The following YWHAE variants were observed in gnomAD, a reference collection of about 807,000 sequenced individuals.
YWHAE encodes 14-3-3 protein epsilon.
YWHAE carries 4 observed loss-of-function variants against 30.1 expected under a neutral mutation model. The observed-to-expected ratio is 0.13, with a 90% CI of 0.07 to 0.30. The LOEUF is 0.30. Ranked by LOEUF, YWHAE falls within the 10% of genes least tolerant of loss-of-function variation. The pLI, the probability that YWHAE is intolerant of heterozygous loss-of-function variation, is 1.00. For synonymous variants in YWHAE, 118 were observed against 111.8 expected (o/e 1.06, Z -0.35); for missense variants, 121 against 315.9 (o/e 0.38, Z 4.68).
intron 1 of YWHAE, among the ~76,000 whole-genome samples, chr17:1,375,646 C>T (rs2073110811): frequency 6.6e-6 from 1 of 152,168 alleles, no homozygotes; most frequent in South Asian, 2.1e-4. Context: ...AAACATACTC[C>T]TCACAAGTTA....
chr17:1,376,274 A>G (rs1195138013), intron 1 of YWHAE, among the ~76,000 whole-genome samples: 3 of 152,186 alleles, frequency 2.0e-5, no homozygotes, highest in East Asian at 3.8e-4. Context: ...TTCACATACT[A>G]AAATGTGGTT....
rs545941262 is a variant in YWHAE, at chr17:1,362,023, A to T, written c.265-15T>A. 1,368 of 1,376,802 alleles carry T rather than the reference A, an allele frequency of 9.9e-4. 1 individual carries two copies. Among genetic ancestry groups the T allele is most frequent in the East Asian group, 6.7e-3 (271 of 40,502 alleles). 85.3% of individuals were successfully genotyped at this position (1,376,802 alleles called of 1,614,324 possible). A position where few individuals can be genotyped will look rare whatever the true frequency, so the allele number is the denominator to read the frequency against. On this transcript the variant is annotated splice_polypyrimidine_tract_variant and intron_variant, in intron 2 of 5. Transcript: ENST00000264335. ...TCAGTCTCAACCTAAAAAAAAAAAA[A>T]TTTTTTTTAAATCAGATTAAGTCTA...
At chr17:1,358,198 C>G (rs936884684) in intron 4 of YWHAE, among the ~76,000 whole-genome samples, 3 of 151,924 alleles carry the variant, frequency 2.0e-5, no homozygotes, top group Non-Finnish European at 4.4e-5. Flanking sequence ...AGACCAGCTT[C>G]GGCAACACAG....
chr17:1,398,347 C>G lies in YWHAE; in HGVS notation c.64+1700G>C, dbSNP rs1023078453. Among the ~76,000 whole-genome samples, 63 of 134,630 alleles carry G rather than the reference C, an allele frequency of 4.7e-4. No homozygotes were observed. The Middle Eastern group carries it at 0.014, about 30-fold the overall frequency. The allele number at this position is 134,630 out of a possible 152,430, so 88.3% of individuals were successfully genotyped here. A position where few individuals can be genotyped will look rare whatever the true frequency, so the allele number is the denominator to read the frequency against. On this transcript the variant is annotated intron_variant, in intron 1 of 5. Coordinates refer to ENST00000264335, the MANE Select transcript of YWHAE (RefSeq NM_006761.5). The stretch of plus-strand genomic sequence containing the variant: ...TTCCCCATCTTATCCCCCCCCCCAA[C>G]AGGAACCTTGTTGAATACAAATAGC...
intron 4 of YWHAE, among the ~76,000 whole-genome samples, chr17:1,359,880 CGAGAGG>C (rs1183689241): frequency 8.5e-5 from 10 of 117,062 alleles, no homozygotes; most frequent in Non-Finnish European, 1.0e-4. Flanking sequence ...GTCGCCCAGG[CGAGAGG>C]GAGAGGGAGA....
At chr17:1,357,516 C>T (rs2072771534) in intron 4 of YWHAE, among the ~76,000 whole-genome samples, 3 of 150,778 alleles carry the variant, frequency 2.0e-5, no homozygotes, top group Admixed American at 1.3e-4. Context: ...GGAGGCTGAG[C>T]TTTCAGTGAG....
At chr17:1,371,700 C>CT (rs147681878) in intron 1 of YWHAE, among the ~76,000 whole-genome samples, 11,954 of 152,142 alleles carry the variant, frequency 0.079, 1,461 homozygotes, top group African/African-American at 0.26. Flanking sequence ...AAGTGAAGTC[C>CT]TAGACAGCAT....
chr17:1,384,021 T>C (rs1214188476), intron 1 of YWHAE, among the ~76,000 whole-genome samples: 2 of 150,876 alleles, frequency 1.3e-5, no homozygotes, highest in East Asian at 2.0e-4. Context: ...CTGGCCAACA[T>C]GGTGAAACCC....
intron 4 of YWHAE, among the ~76,000 whole-genome samples, chr17:1,359,130 T>C (rs1015663803): frequency 2.7e-5 from 4 of 148,178 alleles, no homozygotes; most frequent in Non-Finnish European, 4.5e-5. Flanking sequence ...TGCCAGGCTC[T>C]CCCTCAAAAA....
intron 1 of YWHAE, among the ~76,000 whole-genome samples, chr17:1,376,915 G>A (rs998840858): frequency 6.7e-6 from 1 of 149,740 alleles, no homozygotes; most frequent in African/African-American, 2.4e-5. Flanking sequence ...AGCACACAGG[G>A]TCATAACCCT....
intron 3 of YWHAE, chr17:1,361,546 T>C: frequency 2.2e-6 from 1 of 448,988 alleles, no homozygotes; most frequent in East Asian, 3.6e-5. Flanking sequence ...CCTCTAAAAA[T>C]TAATAAAATT....
At chr17:1,391,523 T>C (rs1352070172) in intron 1 of YWHAE, among the ~76,000 whole-genome samples, 1 of 152,194 alleles carries the variant, frequency 6.6e-6, no homozygotes, top group Non-Finnish European at 1.5e-5. Context: ...CATGTGGATG[T>C]TAAATTATGG....
At chr17:1,356,802 T>C (rs1031773851) in intron 4 of YWHAE, among the ~76,000 whole-genome samples, 4 of 121,336 alleles carry the variant, frequency 3.3e-5, no homozygotes, top group Non-Finnish European at 5.1e-5. Context: ...CTACTAAAAA[T>C]GCAAAAAAAA....
At chr17:1,360,488 G>A (rs1036508887) in intron 4 of YWHAE, among the ~76,000 whole-genome samples, 2 of 152,192 alleles carry the variant, frequency 1.3e-5, no homozygotes, top group Non-Finnish European at 2.9e-5. Flanking sequence ...CTGGCTGGGT[G>A]TGGTGACTCA....
At chr17:1,370,333 A>C (rs78971562) in intron 1 of YWHAE, among the ~76,000 whole-genome samples, 30 of 150,940 alleles carry the variant, frequency 2.0e-4, no homozygotes, top group Non-Finnish European at 3.4e-4. Context: ...GGGTTTCACC[A>C]TGTTAGCCAG....
At chr17:1,392,941 G>A (rs1020053331) in intron 1 of YWHAE, among the ~76,000 whole-genome samples, 3 of 151,550 alleles carry the variant, frequency 2.0e-5, no homozygotes, top group African/African-American at 4.9e-5. Flanking sequence ...GGTGGCTCAC[G>A]CCTATAATCC....
chr17:1,380,441 C>T (rs1269721734), intron 1 of YWHAE, among the ~76,000 whole-genome samples: 2 of 152,216 alleles, frequency 1.3e-5, no homozygotes, highest in East Asian at 3.9e-4. Flanking sequence ...GCTATTTGAC[C>T]TCAAGTATGC....
At chr17:1,364,113 A>T (rs1004410295) in intron 2 of YWHAE, among the ~76,000 whole-genome samples, 1 of 152,210 alleles carries the variant, frequency 6.6e-6, no homozygotes, top group Non-Finnish European at 1.5e-5. Flanking sequence ...CTACAATAAG[A>T]AACATTTTAT....
intron 2 of YWHAE, among the ~76,000 whole-genome samples, chr17:1,363,222 C>A (rs1381407689): frequency 6.6e-6 from 1 of 152,158 alleles, no homozygotes; most frequent in Non-Finnish European, 1.5e-5. Context: ...CTTATTATTT[C>A]TATTTAGGGA....
Sources: allele counts gnomAD v4.1 joint callset (sites outside exome capture counted in the v4.1 genomes callset), GRCh38; gene constraint gnomAD v4.1.1; transcripts MANE v1.5; gene names NCBI Gene and HGNC (gene_info 2026-07-23, HGNC 2026-07-21).